The following PAX7 variants were observed in gnomAD, a reference collection of about 807,000 sequenced individuals.
PAX7 encodes the protein paired box protein Pax-7.
In PAX7, 18 loss-of-function variants were observed where a neutral mutation model predicts 50.7. The observed-to-expected ratio is 0.36, with a 90% CI of 0.25 to 0.53. The LOEUF is 0.53. Ranked by LOEUF, PAX7 falls within the 20% of genes least tolerant of loss-of-function variation. PAX7 has a pLI of 0.93. For synonymous variants in PAX7, 310 were observed against 290.4 expected, an observed-to-expected ratio of 1.07 and a Z score of -0.69; for missense variants, 644 against 702.9, an observed-to-expected ratio of 0.92 and a Z score of 0.95.
At chr1:18,651,865 C>T (rs980258170) in intron 4 of PAX7, among the ~76,000 whole-genome samples, 3 of 139,548 alleles carry the variant, frequency 2.1e-5, no homozygotes, top group Non-Finnish European at 4.7e-5. Flanking sequence ...CTGAGGCTTC[C>T]GGCCTCTGCT....
At chr1:18,646,557 G>A (rs917608433) in intron 4 of PAX7, among the ~76,000 whole-genome samples, 2 of 152,176 alleles carry the variant, frequency 1.3e-5, no homozygotes, top group African/African-American at 4.8e-5. Flanking sequence ...GGCAGAGGGT[G>A]GGAGGCGTCA....
chr1:18,643,963 G>C (rs2088300332), intron 4 of PAX7, among the ~76,000 whole-genome samples: 1 of 152,252 alleles, frequency 6.6e-6, no homozygotes, highest in Non-Finnish European at 1.5e-5. Context: ...ACTGCATTCA[G>C]AGCGTTGCTA....
chr1:18,742,392 G>A (rs1300338075), intron 8 of PAX7, among the ~76,000 whole-genome samples: 1 of 152,038 alleles, frequency 6.6e-6, no homozygotes, highest in Non-Finnish European at 1.5e-5. Context: ...TCCTGACCTC[G>A]TGATCCACCC....
chr1:18,687,750 G>A (rs2088998609), intron 4 of PAX7, among the ~76,000 whole-genome samples: 1 of 152,056 alleles, frequency 6.6e-6, no homozygotes, highest in Non-Finnish European at 1.5e-5. Flanking sequence ...GGGTTGTTAT[G>A]GCAACCTCCA....
chr1:18,744,971 C>A lies in PAX7; in HGVS notation c.*42C>A. On this transcript the variant is annotated 3_prime_UTR_variant, in exon 9 of 9. Coordinates refer to ENST00000420770, the MANE Select transcript of PAX7 (RefSeq NM_001135254.2). ...TGCCCCAGCCCAATTCCCAGCCCAA[C>A]CCTAACTGACCCCTGAGCTTCCCAG... 2.6e-6 allele frequency: 3 copies of A among 1,157,546 alleles called. No homozygotes were observed. Among genetic ancestry groups the A allele is most frequent in the Non-Finnish European group, 3.8e-6 (3 of 790,740 alleles). The allele number at this position is 1,157,546 out of a possible 1,614,324, so 71.7% of individuals were successfully genotyped here. A position where few individuals can be genotyped will look rare whatever the true frequency, so the allele number is the denominator to read the frequency against.
chr1:18,633,071 G>A (rs763369496), intron 1 of PAX7, among the ~76,000 whole-genome samples: 4 of 152,146 alleles, frequency 2.6e-5, no homozygotes, highest in Admixed American at 6.5e-5. Flanking sequence ...CACGGAGACC[G>A]AGTGACTCCG....
chr1:18,659,874 C>T (rs190878413), intron 4 of PAX7, among the ~76,000 whole-genome samples: 69 of 152,284 alleles, frequency 4.5e-4, no homozygotes, highest in Non-Finnish European at 9.1e-4. Flanking sequence ...TCACAAGGAA[C>T]GGCCTCAACC....
intron 4 of PAX7, among the ~76,000 whole-genome samples, chr1:18,639,631 A>G (rs1205435786): frequency 6.6e-6 from 1 of 152,196 alleles, no homozygotes; most frequent in Non-Finnish European, 1.5e-5. Context: ...AGGAGAGAAG[A>G]GAAAGGAAAA....
chr1:18,716,087 C>T (rs4920527), intron 7 of PAX7, among the ~76,000 whole-genome samples: 7,350 of 152,224 alleles, frequency 0.048, 266 homozygotes, highest in Admixed American at 0.11. Flanking sequence ...GCCCTTTCCC[C>T]GGCTGTGAAC....
chr1:18,676,130 C>T (rs1402632372), intron 4 of PAX7, among the ~76,000 whole-genome samples: 8 of 152,208 alleles, frequency 5.3e-5, no homozygotes, highest in African/African-American at 1.4e-4. Context: ...CATTAGAGTA[C>T]GCTCCTTATG....
rs958958489 is a variant in PAX7, at chr1:18,700,527, G to A, written c.787-126G>A. ...AAAGCGTCCTGTGCTGCACAATGCC[G>A]GGGCCTGCAGGAGGATGCTGGCTGG... On this transcript the variant is annotated intron_variant, in intron 5 of 8. Coordinates refer to ENST00000420770, the MANE Select transcript of PAX7 (RefSeq NM_001135254.2). The surrounding 1 kb of genome is among the most constrained non-coding windows in gnomAD (Gnocchi z 4.8). 2.0e-5 allele frequency: 16 copies of A among 811,938 alleles called. No individual in the cohort carries two copies. The highest frequency in any genetic ancestry group is 2.6e-5 in the Non-Finnish European group (14 of 540,228). The allele number at this position is 811,938 out of a possible 1,614,324, so 50.3% of individuals were successfully genotyped here.
At chr1:18,668,857 CT>C (rs2100230012) in intron 4 of PAX7, among the ~76,000 whole-genome samples, 1 of 152,360 alleles carries the variant, frequency 6.6e-6, no homozygotes, top group South Asian at 2.1e-4. Context: ...GGAGGGCTGC[CT>C]TTGTCCTGGT....
intron 7 of PAX7, among the ~76,000 whole-genome samples, chr1:18,720,716 G>GGA (rs372059026): frequency 1.9e-4 from 28 of 149,712 alleles, no homozygotes; most frequent in East Asian, 3.9e-4. Context: ...GAGACTGGGG[G>GGA]GAGAGAGAGA....
rs746526100 is a variant in PAX7 at position 18,636,409 on chromosome 1, G to A, written c.586+38G>A. The stretch of plus-strand genomic sequence containing the variant: ...CCTGGGCTGCGAGGCCCCAGCCCGG[G>A]TTTTCCCACGCTCCGGTGTGCGGGC... On this transcript the variant is annotated intron_variant, in intron 4 of 8. Coordinates refer to ENST00000420770, the MANE Select transcript of PAX7 (RefSeq NM_001135254.2). This position sits in a 1 kb window ranked among gnomAD's most constrained non-coding sequence, Gnocchi z 5.1. 2 of 1,603,612 alleles carry A rather than the reference G, an allele frequency of 1.2e-6. No homozygotes were observed. Among genetic ancestry groups the A allele is most frequent in the South Asian group, 1.1e-5 (1 of 90,416 alleles).
At chr1:18,725,168 G>A (rs564181687) in intron 7 of PAX7, among the ~76,000 whole-genome samples, 5 of 152,234 alleles carry the variant, frequency 3.3e-5, no homozygotes, top group African/African-American at 4.8e-5. Context: ...GAGCTATCAC[G>A]GCCCTGAGTC....
intron 5 of PAX7, among the ~76,000 whole-genome samples, chr1:18,693,019 G>A (rs1184240866): frequency 6.6e-6 from 1 of 152,174 alleles, no homozygotes; most frequent in Non-Finnish European, 1.5e-5. Context: ...TGGGGATCTG[G>A]CTGGAAAGGG....
At chr1:18,744,429 A>AGGATGGATGGATGGAT (rs375857866) in intron 8 of PAX7, among the ~76,000 whole-genome samples, 1 of 60,512 alleles carries the variant, frequency 1.7e-5, no homozygotes, top group African/African-American at 1.1e-4. Context: ...GATAGATGGA[A>AGGATGGATGGATGGAT]GGATGGATGG....
chr1:18,676,869 C>T (rs2088830207), intron 4 of PAX7, among the ~76,000 whole-genome samples: 1 of 152,188 alleles, frequency 6.6e-6, no homozygotes, highest in African/African-American at 2.4e-5. Context: ...AGCCCAGACC[C>T]CTTCTCAGGG....
intron 4 of PAX7, among the ~76,000 whole-genome samples, chr1:18,640,830 C>T (rs2088240011): frequency 8.1e-6 from 1 of 123,534 alleles, no homozygotes; most frequent in Middle Eastern, 3.6e-3. Flanking sequence ...GCTGGAGGGG[C>T]GCGCCGGGCC....
Sources: allele counts gnomAD v4.1 joint callset (sites outside exome capture counted in the v4.1 genomes callset), GRCh38; gene constraint gnomAD v4.1.1; non-coding constraint Gnocchi (gnomAD v3.1); transcripts MANE v1.5; gene names NCBI Gene and HGNC (gene_info 2026-07-23, HGNC 2026-07-21).